Variants in AP3B1 observed in about 807,000 individuals in gnomAD.
AP3B1 encodes adaptor related protein complex 3 subunit beta 1, also known as AP-3 complex subunit beta-1.
Under a neutral mutation model 132.5 loss-of-function variants are expected in AP3B1, and 61 were observed. That is an observed-to-expected ratio of 0.46 (90% CI 0.37 to 0.57). The LOEUF (loss-of-function observed/expected upper bound fraction) is 0.57, where lower values mean the gene tolerates loss of function less well. Ranked by LOEUF, AP3B1 falls within the 20% of genes least tolerant of loss-of-function variation. The probability of loss-of-function intolerance (pLI) is 0.00; values close to 1 mark genes in which losing one functional copy is unlikely to be tolerated. For synonymous variants in AP3B1, 388 were observed against 438.3 expected (o/e 0.89, Z 1.43); for missense variants, 1,120 against 1,289.4 (o/e 0.87, Z 2.01).
intron 22 of AP3B1, among the ~76,000 whole-genome samples, chr5:78,041,544 G>A (rs901043592): frequency 1.3e-5 from 2 of 151,472 alleles, no homozygotes; most frequent in African/African-American, 2.4e-5. Flanking sequence ...GGGTGACAGA[G>A]CAAGACCCTG....
intron 1 of AP3B1, among the ~76,000 whole-genome samples, chr5:78,273,170 C>T (rs545268425): frequency 1.3e-5 from 2 of 150,350 alleles, no homozygotes; most frequent in African/African-American, 2.4e-5. Flanking sequence ...TTTGGGAGGC[C>T]GAGGCTAGTG....
chr5:78,129,556 T>C (rs1752605816), intron 15 of AP3B1, among the ~76,000 whole-genome samples: 1 of 151,830 alleles, frequency 6.6e-6, no homozygotes, highest in Non-Finnish European at 1.5e-5. Context: ...ACTGCTGAAG[T>C]GGAAAGAAAG....
At chr5:78,029,376 G>A (rs1747473297) in intron 24 of AP3B1, among the ~76,000 whole-genome samples, 2 of 151,324 alleles carry the variant, frequency 1.3e-5, no homozygotes, top group Admixed American at 6.6e-5. Context: ...ACATCTATCT[G>A]ATAAATGCAT....
Position 78,181,727 on chromosome 5 carries a change from CA to C in AP3B1, c.787-66del, listed in dbSNP as rs368627465. ...TTGAGCAATCTGCATATTATATAGT[CA>C]AAGAAAACTTTCCTTTAAACATCTA... On this transcript the variant is annotated intron_variant, in intron 7 of 26. Coordinates refer to ENST00000255194, the MANE Select transcript of AP3B1 (RefSeq NM_003664.5). The C allele has an allele frequency of 3.3e-4, 478 of 1,449,056 alleles. 3 individuals carry two copies. The East Asian group carries it at 8.9e-3, about 27-fold the overall frequency. The allele number at this position is 1,449,056 out of a possible 1,614,324, so 89.8% of individuals were successfully genotyped here. A position where few individuals can be genotyped will look rare whatever the true frequency, so the allele number is the denominator to read the frequency against.
At position 78,241,574 on chromosome 5, in the gene AP3B1, C is replaced by T. The variant is rs1747143241; in HGVS notation, c.205-638G>A. Reference sequence around the variant, plus strand: ...CTTTGCTTTCTTTTCATAGGTTACCCTACTTCTGCAACCATTGCTTTTCAA... The same window carrying T: ...CTTTGCTTTCTTTTCATAGGTTACCTTACTTCTGCAACCATTGCTTTTCAA... On this transcript the variant is annotated intron_variant, in intron 2 of 26. Coordinates refer to ENST00000255194, the MANE Select transcript of AP3B1 (RefSeq NM_003664.5). 2.6e-5 allele frequency among the ~76,000 whole-genome samples: 4 copies of T among 152,142 alleles called. No homozygotes were observed. The South Asian group carries it at 8.3e-4, about 32-fold the overall frequency.
chr5:78,011,509 T>C (rs1483807209), intron 26 of AP3B1, among the ~76,000 whole-genome samples: 1 of 152,222 alleles, frequency 6.6e-6, no homozygotes, highest in Non-Finnish European at 1.5e-5. Context: ...AATCTAACAG[T>C]AGAGCTGCTT....
rs1190962445 is a variant in AP3B1 at position 78,240,891 on chromosome 5, C to T, written c.250G>A (p.Val84Met). 1 of 1,613,296 alleles carries T rather than the reference C, an allele frequency of 6.2e-7. No homozygotes were observed. Among genetic ancestry groups the T allele is most frequent in the Admixed American group, 1.7e-5 (1 of 60,024 alleles). Reference sequence around the variant, plus strand: ...ATATTTTTACTGGCCACATTCTTCACAACAGCAGGAAACAGTTCAGATGCA... The same window carrying T: ...ATATTTTTACTGGCCACATTCTTCATAACAGCAGGAAACAGTTCAGATGCA... ...KNASELFPAV[V>M]KNVASKNIEI... Residue 84 changes from valine to methionine, a missense_variant, in exon 3 of 27, where the codon GTG becomes ATG. By Grantham distance (21) the Val-to-Met change is conservative. Transcript: ENST00000255194.
At chr5:78,144,225 G>T (rs181014954) in intron 14 of AP3B1, among the ~76,000 whole-genome samples, 14 of 152,184 alleles carry the variant, frequency 9.2e-5, no homozygotes, top group Non-Finnish European at 4.4e-5. Context: ...AAATGACTTT[G>T]CCTGATTCTT....
chr5:78,146,052 G>A lies in AP3B1; in HGVS notation c.1474-4733C>T, dbSNP rs546076702. ...TGATGGTGAAATAGGTAGAGATTCA[G>A]GAGGACAGAAGTCTCATTTAAGGCT... On this transcript the variant is annotated intron_variant, in intron 14 of 26. Coordinates refer to ENST00000255194, the MANE Select transcript of AP3B1 (RefSeq NM_003664.5). Among the ~76,000 whole-genome samples the A allele has an allele frequency of 6.0e-4, 91 of 152,286 alleles. 2 individuals carry two copies. The highest frequency in any genetic ancestry group is 2.1e-3 in the African/African-American group (88 of 41,550).
intron 18 of AP3B1, among the ~76,000 whole-genome samples, chr5:78,114,994 T>C (rs190085367): frequency 6.6e-6 from 1 of 152,308 alleles, no homozygotes; most frequent in East Asian, 1.9e-4. Flanking sequence ...GAAGATTAAA[T>C]GATTTGAAAC....
chr5:78,028,989 A>G (rs1375602943), intron 24 of AP3B1, among the ~76,000 whole-genome samples: 4 of 152,070 alleles, frequency 2.6e-5, no homozygotes, highest in Non-Finnish European at 5.9e-5. Flanking sequence ...ATTATCCCAT[A>G]GTTTTCCTTT....
chr5:78,096,999 C>G (rs1314835194), intron 21 of AP3B1, among the ~76,000 whole-genome samples: 2 of 134,512 alleles, frequency 1.5e-5, no homozygotes, highest in African/African-American at 3.2e-5. Context: ...GCCGCCCTGT[C>G]CGGGAGGGAG....
At chr5:78,218,151 T>C (rs1221339888) in intron 6 of AP3B1, among the ~76,000 whole-genome samples, 1 of 152,112 alleles carries the variant, frequency 6.6e-6, no homozygotes, top group African/African-American at 2.4e-5. Context: ...TACTTAATCA[T>C]ATAGTTTTAA....
In AP3B1 at chr5:78,228,135, A is replaced by G; in HGVS notation, c.375+9T>C. ...TTGTAGCTATTTGCCTACTCACTCC[A>G]TTATTTACCTTCAGAGCTCGCTGAA... On this transcript the variant is annotated intron_variant, in intron 4 of 26. Coordinates refer to ENST00000255194, the MANE Select transcript of AP3B1 (RefSeq NM_003664.5). 6.3e-7 allele frequency: 1 copy of G among 1,589,146 alleles called. No homozygotes were observed. Among genetic ancestry groups the G allele is most frequent in the Non-Finnish European group, 8.6e-7 (1 of 1,167,234 alleles).
chr5:78,164,390 G>T (rs1404776569), intron 12 of AP3B1, among the ~76,000 whole-genome samples: 1 of 152,118 alleles, frequency 6.6e-6, no homozygotes, highest in South Asian at 2.1e-4. Context: ...GGTCTAGTAT[G>T]TGCCCTCTAT....
At chr5:78,151,045 G>C (rs1753628835) in intron 14 of AP3B1, among the ~76,000 whole-genome samples, 1 of 151,848 alleles carries the variant, frequency 6.6e-6, no homozygotes, top group Non-Finnish European at 1.5e-5. Context: ...CAGCCTCCCA[G>C]GTAGCTGGGA....
At chr5:78,030,135 A>AT (rs890495635) in intron 24 of AP3B1, among the ~76,000 whole-genome samples, 49 of 151,040 alleles carry the variant, frequency 3.2e-4, no homozygotes, top group African/African-American at 9.9e-4. Flanking sequence ...TCTGTCTCTG[A>AT]TTTTTTTTTG....
chr5:78,021,527 G>A (rs1441218510), intron 24 of AP3B1, among the ~76,000 whole-genome samples: 1 of 152,138 alleles, frequency 6.6e-6, no homozygotes, highest in Non-Finnish European at 1.5e-5. Context: ...TTTAAAGTTA[G>A]ATGTTTAGGG....
intron 19 of AP3B1, 70 bp downstream of exon 19, chr5:78,113,682 A>T (rs1196537715): frequency 6.4e-7 from 1 of 1,559,790 alleles, no homozygotes; most frequent in East Asian, 2.2e-5. Context: ...TTGATTAATA[A>T]GAAACATCTC....
Sources: allele counts gnomAD v4.1 joint callset (sites outside exome capture counted in the v4.1 genomes callset), GRCh38; gene constraint gnomAD v4.1.1; transcripts MANE v1.5; gene names NCBI Gene and HGNC (gene_info 2026-07-23, HGNC 2026-07-21).